The following FAIM2 variants were observed in gnomAD, a reference collection of about 807,000 sequenced individuals.
FAIM2 encodes protein lifeguard 2.
In FAIM2, 27 loss-of-function variants were observed where a neutral mutation model predicts 47.4. That is an observed-to-expected ratio of 0.57 (90% confidence interval 0.42 to 0.78). The LOEUF (loss-of-function observed/expected upper bound fraction) is 0.78, where lower values mean the gene tolerates loss of function less well. Ranked by LOEUF, FAIM2 falls within the 30% of genes least tolerant of loss-of-function variation. The pLI is 0.00. For synonymous variants in FAIM2, 156 were observed against 159.3 expected (o/e 0.98, Z 0.16); for missense variants, 311 against 389.4 (o/e 0.80, Z 1.69).
intron 2 of FAIM2, among the ~76,000 whole-genome samples, chr12:49,899,133 C>T (rs1325294004): frequency 6.6e-6 from 1 of 152,108 alleles, no homozygotes; most frequent in East Asian, 1.9e-4. Context: ...TCTTCTGATA[C>T]TGGTTAGTGA....
chr12:49,901,360 A>G, intron 1 of FAIM2, 35 bp from the exon 2 acceptor site: 1 of 1,456,770 alleles, frequency 6.9e-7, no homozygotes, highest in South Asian at 1.4e-5. Context: ...GATAGTCACC[A>G]GGGAAAGGGA....
chr12:49,889,284 G>A, intron 9 of FAIM2, 82 bp from the exon 10 acceptor site: 1 of 1,140,696 alleles, frequency 8.8e-7, no homozygotes, highest in Non-Finnish European at 1.3e-6. Context: ...CATACAGCAG[G>A]CCACAGTCTT....
intron 9 of FAIM2, 63 bp from the exon 10 acceptor site, chr12:49,889,265 G>T: frequency 7.8e-7 from 1 of 1,287,138 alleles, no homozygotes; most frequent in Non-Finnish European, 1.1e-6. Flanking sequence ...CCCAACTACA[G>T]GCTGAGCCCA....
At chr12:49,881,956 G>C (rs1946828772) in intron 11 of FAIM2, among the ~76,000 whole-genome samples, 1 of 152,258 alleles carries the variant, frequency 6.6e-6, no homozygotes, top group Non-Finnish European at 1.5e-5. Context: ...TCTCAAGAGA[G>C]GGGCTGATGT....
chr12:49,894,097 A>G (rs1946919160), intron 5 of FAIM2, among the ~76,000 whole-genome samples: 1 of 152,206 alleles, frequency 6.6e-6, no homozygotes, highest in African/African-American at 2.4e-5. Flanking sequence ...CTCTGCCACT[A>G]CTGTTGTGTG....
intron 11 of FAIM2, among the ~76,000 whole-genome samples, chr12:49,880,160 ATGTGTGTATG>A (rs1244172731): frequency 1.8e-5 from 1 of 54,890 alleles, no homozygotes; most frequent in Non-Finnish European, 3.8e-5. Context: ...ATGTGTGTGC[ATGTGTGTATG>A]TGTGTGTATG....
rs1491154005 is a variant in FAIM2 at position 49,878,630 on chromosome 12, GTA to G, written c.802-7979_802-7978del. The stretch of plus-strand genomic sequence containing the variant: ...CATGTGTATGTGTGCATATGTGTAT[GTA>G]TGTGCCCTTGTATATATGTGCGCTT... On this transcript the variant is annotated intron_variant, in intron 11 of 11. Coordinates refer to ENST00000320634, the MANE Select transcript of FAIM2 (RefSeq NM_012306.4). Among the ~76,000 whole-genome samples, 92 of 135,562 alleles carry G rather than the reference GTA, an allele frequency of 6.8e-4. 7 individuals are homozygous for G. The highest frequency in any genetic ancestry group is 2.5e-3 in the African/African-American group (89 of 35,560). The allele number at this position is 135,562 out of a possible 152,430, so 88.9% of individuals were successfully genotyped here. A position where few individuals can be genotyped will look rare whatever the true frequency, so the allele number is the denominator to read the frequency against.
rs371805584 is a variant in FAIM2 at position 49,874,028 on chromosome 12, G to A, written c.802-3375C>T. Among the ~76,000 whole-genome samples, 15 of 152,340 alleles carry A rather than the reference G, an allele frequency of 9.8e-5. No homozygotes were observed. In the South Asian group the frequency reaches 1.4e-3, roughly 15 times the overall value. The stretch of plus-strand genomic sequence containing the variant: ...GCTGCTATCTCCTTGGAGATGGAAA[G>A]CATTGTTAACTAATGTCTTGGTTGA... On this transcript the variant is annotated intron_variant, in intron 11 of 11. Transcript: ENST00000320634. The surrounding 1 kb of genome is among the most constrained non-coding windows in gnomAD (Gnocchi z 4.2).
intron 7 of FAIM2, 141 bp from the exon 8 acceptor site, chr12:49,890,295 C>T (rs1009684052): frequency 7.5e-5 from 56 of 747,648 alleles, no homozygotes; most frequent in South Asian, 1.0e-4. Flanking sequence ...CACTGACTTT[C>T]GGGAGTCAGG....
intron 10 of FAIM2, among the ~76,000 whole-genome samples, chr12:49,888,497 C>T (rs1312906596): frequency 6.6e-6 from 1 of 152,188 alleles, no homozygotes; most frequent in African/African-American, 2.4e-5. Context: ...GATCTCAAGG[C>T]CTTCCTGTGA....
chr12:49,877,020 C>G (rs1946741325), intron 11 of FAIM2, among the ~76,000 whole-genome samples: 1 of 152,222 alleles, frequency 6.6e-6, no homozygotes, highest in Non-Finnish European at 1.5e-5. Flanking sequence ...TGGCCAGCTG[C>G]AGAGCCCCCT....
At chr12:49,875,977 A>G (rs1165866290) in intron 11 of FAIM2, among the ~76,000 whole-genome samples, 1 of 152,164 alleles carries the variant, frequency 6.6e-6, no homozygotes, top group African/African-American at 2.4e-5. Flanking sequence ...CTCCATCTCA[A>G]AAAAAAGGAA....
chr12:49,895,829 G>A (rs774070113), intron 5 of FAIM2, among the ~76,000 whole-genome samples: 4 of 152,180 alleles, frequency 2.6e-5, no homozygotes, highest in Non-Finnish European at 5.9e-5. Context: ...GAACAGACTT[G>A]GGACAGCCGC....
intron 5 of FAIM2, 46 bp from the exon 6 acceptor site, chr12:49,891,160 T>A (rs1301897365): frequency 6.3e-7 from 1 of 1,578,520 alleles, no homozygotes; most frequent in African/African-American, 1.4e-5. Context: ...CTCTCCTGGG[T>A]CCCTCCCCCA....
intron 11 of FAIM2, among the ~76,000 whole-genome samples, chr12:49,880,554 GTGTGTGCATGTGTGTATC>G (rs147057602): frequency 0.75 from 110,670 of 147,852 alleles, 41,397 homozygotes; most frequent in African/African-American, 0.82. Context: ...ATGCATGCGT[GTGTGTGCATGTGTGTATC>G]TGTGCATGTG....
rs76829642 is a variant in FAIM2, at chr12:49,886,176, C to T, written c.801+1210G>A. Among the ~76,000 whole-genome samples the T allele has an allele frequency of 5.7e-3, 865 of 152,330 alleles. 4 individuals are homozygous for T. The highest frequency in any genetic ancestry group is 0.01 in the Middle Eastern group (3 of 294). On this transcript the variant is annotated intron_variant, in intron 11 of 11. Coordinates refer to ENST00000320634, the MANE Select transcript of FAIM2 (RefSeq NM_012306.4). ...CTTGAATGCCTTTCCGAGAGGATGT[C>T]ACCAGCACAAGCTTGCCCAACTGGG...
At position 49,878,442 on chromosome 12, in the gene FAIM2, GTC is replaced by G. The variant is rs1165156055; in HGVS notation, c.802-7791_802-7790del. On this transcript the variant is annotated intron_variant, in intron 11 of 11. Coordinates refer to ENST00000320634, the MANE Select transcript of FAIM2 (RefSeq NM_012306.4). ...TGTGTGTGTATATGTGCAAGTGTGTGTCTGAGTGAATGTGTATGCATGTATGT... is the reference window on the plus strand; with the variant it reads ...TGTGTGTGTATATGTGCAAGTGTGTGTGAGTGAATGTGTATGCATGTATGT... Among the ~76,000 whole-genome samples the G allele has an allele frequency of 6.9e-5, 9 of 129,680 alleles. 2 individuals carry two copies. Among genetic ancestry groups the G allele is most frequent in the African/African-American group, 2.7e-4 (9 of 33,220 alleles). The allele number at this position is 129,680 out of a possible 152,430, so 85.1% of individuals were successfully genotyped here.
intron 11 of FAIM2, among the ~76,000 whole-genome samples, chr12:49,882,533 A>G (rs1365301724): frequency 1.3e-5 from 2 of 152,144 alleles, no homozygotes; most frequent in East Asian, 3.9e-4. Flanking sequence ...AGCCAGGGGA[A>G]CTGGCCCCAT....
At chr12:49,879,676 ATGTG>A (rs992590816) in intron 11 of FAIM2, among the ~76,000 whole-genome samples, 11 of 138,214 alleles carry the variant, frequency 8.0e-5, no homozygotes, top group East Asian at 2.2e-4. Flanking sequence ...GAGTGTGTGC[ATGTG>A]TGTATCTGTG....
Sources: allele counts gnomAD v4.1 joint callset (sites outside exome capture counted in the v4.1 genomes callset), GRCh38; gene constraint gnomAD v4.1.1; non-coding constraint Gnocchi (gnomAD v3.1); transcripts MANE v1.5; gene names NCBI Gene and HGNC (gene_info 2026-07-23, HGNC 2026-07-21).